RCN2: variants seen among roughly 807,000 people sequenced by gnomAD.
RCN2 encodes reticulocalbin 2.
In RCN2, 23 loss-of-function variants were observed where a neutral mutation model predicts 37.5. The ratio of observed to expected loss-of-function variants is 0.61; its 90% confidence interval spans 0.44 to 0.87. The LOEUF is 0.87. Among genes scored for constraint, RCN2 ranks in the 40% least tolerant of loss-of-function variants. The probability of loss-of-function intolerance (pLI) is 0.00; values close to 1 mark genes in which losing one functional copy is unlikely to be tolerated. For missense variants in RCN2, 381 were observed against 390.4 expected (o/e 0.98, Z 0.20); for synonymous variants, 140 against 144.6 (o/e 0.97, Z 0.23).
At chr15:76,946,751 G>GA (rs1017056894) in intron 4 of RCN2, among the ~76,000 whole-genome samples, 58 of 146,746 alleles carry the variant, frequency 4.0e-4, no homozygotes, top group Admixed American at 1.4e-3. Flanking sequence ...GACCCCATCT[G>GA]AAAAAAAAAA....
At chr15:76,941,578 G>T in intron 3 of RCN2, 1 of 943,738 alleles carries the variant, frequency 1.1e-6, no homozygotes, top group Non-Finnish European at 1.6e-6. Flanking sequence ...TTATATACAA[G>T]AAAAAAAAAG....
At chr15:76,937,625 C>G (rs568085086) in intron 3 of RCN2, among the ~76,000 whole-genome samples, 223 of 152,132 alleles carry the variant, frequency 1.5e-3, no homozygotes, top group African/African-American at 5.1e-3. Flanking sequence ...CCAGGCTAGT[C>G]TCAAACTCCT....
intron 3 of RCN2, among the ~76,000 whole-genome samples, chr15:76,939,696 G>A (rs1596004096): frequency 6.6e-6 from 1 of 152,316 alleles, no homozygotes; most frequent in Middle Eastern, 3.4e-3. Context: ...AAAGCATGGT[G>A]TGGTGTGGTT....
chr15:76,935,180 C>T (rs1351283344), intron 2 of RCN2, among the ~76,000 whole-genome samples: 3 of 152,054 alleles, frequency 2.0e-5, no homozygotes, highest in East Asian at 1.9e-4. Flanking sequence ...AAAAATTAGC[C>T]GGGTGTGGTG....
Position 76,949,276 on chromosome 15 carries a change from T to C in RCN2, c.*54T>C. ...GCTCCTTTTATAATTTGTTACCAGCTTTACTTTTGTGATAAAATATTGATG... is the reference window on the plus strand; with the variant it reads ...GCTCCTTTTATAATTTGTTACCAGCCTTACTTTTGTGATAAAATATTGATG... On this transcript the variant is annotated 3_prime_UTR_variant, in exon 7 of 7. Coordinates refer to ENST00000394885, the MANE Select transcript of RCN2 (RefSeq NM_002902.3). 3 of 1,242,560 alleles carry C rather than the reference T, an allele frequency of 2.4e-6. No homozygotes were observed. Among genetic ancestry groups the C allele is most frequent in the Non-Finnish European group, 3.3e-6 (3 of 921,410 alleles). The allele number at this position is 1,242,560 out of a possible 1,614,324, so 77.0% of individuals were successfully genotyped here.
intron 2 of RCN2, 129 bp downstream of exon 2, chr15:76,932,595 G>A: frequency 6.0e-6 from 4 of 672,050 alleles, no homozygotes; most frequent in Non-Finnish European, 1.1e-5. Context: ...AGGACATGGA[G>A]AATAGGCTTT....
At chr15:76,946,344 A>C (rs1172072236) in intron 4 of RCN2, among the ~76,000 whole-genome samples, 2 of 152,008 alleles carry the variant, frequency 1.3e-5, no homozygotes, top group Admixed American at 1.3e-4. Flanking sequence ...GCTACTTGGG[A>C]GACTGAGGTG....
chr15:76,947,782 A>G, intron 5 of RCN2: 1 of 364,492 alleles, frequency 2.7e-6, no homozygotes, highest in Non-Finnish European at 4.9e-6. Context: ...ATCAGTTTAA[A>G]TGGGGAAGGA....
Position 76,945,676 on chromosome 15 carries a change from G to T in RCN2, c.562-1745G>T, listed in dbSNP as rs780969875. 1.8e-4 allele frequency among the ~76,000 whole-genome samples: 27 copies of T among 152,122 alleles called. 1 individual carries two copies. The highest frequency in any genetic ancestry group is 1.1e-3 in the Admixed American group (17 of 15,280). ...GCATGACATCAGCCTCCAGCTACGT[G>T]GCTTGGTTCCCTGGATATTTCAAAG... On this transcript the variant is annotated intron_variant, in intron 4 of 6. Transcript: ENST00000394885.
At chr15:76,948,869 A>G (rs943746960) in intron 6 of RCN2, 8 of 591,652 alleles carry the variant, frequency 1.4e-5, no homozygotes, top group Non-Finnish European at 2.0e-5. Context: ...GGAGAGAGAC[A>G]GAACCCAGCA....
chr15:76,941,546 C>A, intron 3 of RCN2: 1 of 578,156 alleles, frequency 1.7e-6, no homozygotes, highest in Non-Finnish European at 2.9e-6. Context: ...CACTTTTTAC[C>A]CTCTACTAGA....
At chr15:76,940,448 AT>A (rs1206154904) in intron 3 of RCN2, among the ~76,000 whole-genome samples, 1 of 152,160 alleles carries the variant, frequency 6.6e-6, no homozygotes, top group Non-Finnish European at 1.5e-5. Flanking sequence ...CATAAATAAA[AT>A]AATCATAAAA....
rs62027277 is a variant in RCN2, at chr15:76,952,337, A to G, written c.*3115A>G. ...TGTGGTAGAATATTTCCCTTGCCCT[A>G]AAGTCTTTCTGCTCCACCTATTCAT... On this transcript the variant is annotated 3_prime_UTR_variant, in exon 7 of 7. Coordinates refer to ENST00000394885, the MANE Select transcript of RCN2 (RefSeq NM_002902.3). The G allele has an allele frequency of 0.019, 2,920 of 152,196 alleles. 38 individuals carry two copies. The highest frequency in any genetic ancestry group is 0.031 in the Middle Eastern group (9 of 294). 9.4% of individuals were successfully genotyped at this position (152,196 alleles called of 1,614,324 possible).
At chr15:76,947,710 C>T (rs1031120692) in intron 5 of RCN2, 193 bp downstream of exon 5, 9 of 485,142 alleles carry the variant, frequency 1.9e-5, no homozygotes, top group Non-Finnish European at 2.9e-5. Flanking sequence ...GTCTTGCTTA[C>T]TTTTACTTCC....
At chr15:76,948,791 C>G (rs549051322) in intron 6 of RCN2, 1 of 521,520 alleles carries the variant, frequency 1.9e-6, no homozygotes, top group Non-Finnish European at 3.3e-6. Flanking sequence ...TTGTATTTAC[C>G]TACAGGGACT....
At chr15:76,936,574 G>A (rs1198802125) in intron 3 of RCN2, among the ~76,000 whole-genome samples, 1 of 152,158 alleles carries the variant, frequency 6.6e-6, no homozygotes, top group Non-Finnish European at 1.5e-5. Context: ...AGACGGTAAT[G>A]CCTGCCACTC....
chr15:76,945,263 T>C (rs541811716), intron 4 of RCN2, among the ~76,000 whole-genome samples: 1 of 152,346 alleles, frequency 6.6e-6, no homozygotes, highest in African/African-American at 2.4e-5. Flanking sequence ...CCTTATCCTT[T>C]TGTAGCTTTC....
At position 76,931,765 on chromosome 15, in the gene RCN2, G is replaced by A; in HGVS notation, c.-77G>A. On this transcript the variant is annotated 5_prime_UTR_variant, in exon 1 of 7. Transcript: ENST00000394885. Reference sequence around the variant, plus strand: ...TCGCACCGCCTCTCTGTAGCCGCCCGCGGAGCATCGCAGCCGGCCCGGGCC... The same window carrying A: ...TCGCACCGCCTCTCTGTAGCCGCCCACGGAGCATCGCAGCCGGCCCGGGCC... 1 of 1,113,282 alleles carries A rather than the reference G, an allele frequency of 9.0e-7. No individual in the cohort carries two copies. Among genetic ancestry groups the A allele is most frequent in the Non-Finnish European group, 1.1e-6 (1 of 893,324 alleles). The allele number at this position is 1,113,282 out of a possible 1,614,324, so 69.0% of individuals were successfully genotyped here.
Position 76,939,667 on chromosome 15 carries a change from A to C in RCN2, c.447+3945A>C, listed in dbSNP as rs895118029. ...ATAGGAATTAACTTATCTTAAACCAATGTAACTTATCTAAAACCAAAGCAT... is the reference window on the plus strand; with the variant it reads ...ATAGGAATTAACTTATCTTAAACCACTGTAACTTATCTAAAACCAAAGCAT... On this transcript the variant is annotated intron_variant, in intron 3 of 6. Coordinates refer to ENST00000394885, the MANE Select transcript of RCN2 (RefSeq NM_002902.3). 3.3e-5 allele frequency among the ~76,000 whole-genome samples: 5 copies of C among 152,344 alleles called. No homozygotes were observed. The East Asian group carries it at 9.6e-4, about 29-fold the overall frequency.
Sources: gnomAD v4.1 joint callset for allele counts (sites outside exome capture counted in the v4.1 genomes callset) on GRCh38, gnomAD v4.1.1 for gene constraint, MANE v1.5 for transcripts, NCBI Gene and HGNC (gene_info 2026-07-23, HGNC 2026-07-21) for gene names.